The following NINL variants were observed in gnomAD, a reference collection of about 807,000 sequenced individuals.
The protein encoded by NINL is ninein-like protein.
NINL carries 153 observed loss-of-function variants against 160.3 expected under a neutral mutation model. The observed-to-expected ratio is 0.95, with a 90% CI of 0.84 to 1.09. The LOEUF is 1.09. Among genes scored for constraint, NINL ranks in the 50% least tolerant of loss-of-function variants. The pLI is 0.00. For missense variants in NINL, 1,829 were observed against 1,764.0 expected (o/e 1.04, Z -0.66); for synonymous variants, 800 against 734.8 (o/e 1.09, Z -1.43).
intron 1 of NINL, among the ~76,000 whole-genome samples, chr20:25,539,005 G>C (rs1368739475): frequency 5.9e-5 from 9 of 152,172 alleles, no homozygotes; most frequent in Non-Finnish European, 5.9e-5. Context: ...CAAATGACAT[G>C]AGTGCTGCCC....
In NINL at chr20:25,576,402, C is replaced by G. The variant is rs369392945; in HGVS notation, c.-12+9053G>C. 2.0e-5 allele frequency among the ~76,000 whole-genome samples: 3 copies of G among 152,320 alleles called. No individual in the cohort carries two copies. The South Asian group carries it at 6.2e-4, about 32-fold the overall frequency. On this transcript the variant is annotated intron_variant, in intron 1 of 23. Coordinates refer to ENST00000278886, the MANE Select transcript of NINL (RefSeq NM_025176.6). ...TGCAATCGCTTGGTTAGCATGGTGA[C>G]TGCAGCAGGGTAGTCACCTTTATGT...
chr20:25,570,981 C>T (rs1259531133), intron 1 of NINL, among the ~76,000 whole-genome samples: 1 of 150,902 alleles, frequency 6.6e-6, no homozygotes, highest in East Asian at 2.0e-4. Flanking sequence ...GGGCGTGAAC[C>T]ACCGCGCCCA....
chr20:25,476,749 G>T lies in NINL; in HGVS notation c.2542C>A (p.Pro848Thr). The change falls in exon 17 of 24, where the codon CCA (proline) becomes ACA (threonine). Residue 848 changes from proline (P) to threonine (T), a missense_variant. By Grantham distance (38) the Pro-to-Thr change is conservative. Transcript: ENST00000278886. ...CGCTCCCCACAGCCCGGACGCAGTG[G>T]TAGGAGGCCACGTGTGCCCTCCTGG... ...SGQEGTRGLL[P>T]LRPGCGERPL... is the part of the protein sequence containing the mutation. 6.2e-7 allele frequency: 1 copy of T among 1,608,792 alleles called. No individual in the cohort carries two copies.
In NINL at chr20:25,498,222, A is replaced by C; in HGVS notation, c.1157T>G (p.Leu386Arg). ...QAALACYHQELSYQQGQVEQL... is the reference protein window; with the variant it reads ...QAALACYHQERSYQQGQVEQL... ...TGTGGCCTCTTACTGCTGGTAGCTC[A>C]GCTCCTGGTGGTAGCAGGCCAGGGC... The change falls in exon 9 of 24, where the codon CTG becomes CGG. Residue 386 changes from leucine to arginine, a missense_variant. Leu to Arg is a moderately radical substitution (Grantham distance 102, BLOSUM62 -2). Transcript: ENST00000278886. The C allele has an allele frequency of 1.2e-6, 2 of 1,612,748 alleles. No homozygotes were observed. The highest frequency in any genetic ancestry group is 1.3e-5 in the African/African-American group (1 of 75,010).
rs1029339566 is a variant in NINL, at chr20:25,558,992, T to C, written c.-12+26463A>G. On this transcript the variant is annotated intron_variant, in intron 1 of 23. Transcript: ENST00000278886. ...TTGCTTTGCTTCCAAGATCTTATGATATTCTCCAGCGTTTCACATGTTCTG... is the reference window on the plus strand; with the variant it reads ...TTGCTTTGCTTCCAAGATCTTATGACATTCTCCAGCGTTTCACATGTTCTG... Among the ~76,000 whole-genome samples the C allele has an allele frequency of 7.9e-5, 12 of 152,258 alleles. 1 individual carries two copies. Among genetic ancestry groups the C allele is most frequent in the Non-Finnish European group, 1.5e-5 (1 of 68,040 alleles).
At chr20:25,574,761 A>G (rs1326565077) in intron 1 of NINL, among the ~76,000 whole-genome samples, 1 of 152,168 alleles carries the variant, frequency 6.6e-6, no homozygotes, top group Non-Finnish European at 1.5e-5. Flanking sequence ...ATGTAGCTAC[A>G]TGGTATGGGG....
intron 1 of NINL, among the ~76,000 whole-genome samples, chr20:25,561,900 G>A (rs1423762763): frequency 9.9e-5 from 15 of 151,748 alleles, no homozygotes; most frequent in Non-Finnish European, 1.8e-4. Context: ...CGGAAGGGAG[G>A]TGGGGGTCAG....
intron 1 of NINL, among the ~76,000 whole-genome samples, chr20:25,568,269 AAG>A (rs2065016584): frequency 6.6e-6 from 1 of 152,104 alleles, no homozygotes; most frequent in African/African-American, 2.4e-5. Flanking sequence ...TTGGCAATAA[AAG>A]AGAGAATTGT....
intron 7 of NINL, 85 bp from the exon 8 acceptor site, chr20:25,501,095 C>A: frequency 6.7e-7 from 1 of 1,494,144 alleles, no homozygotes; most frequent in Non-Finnish European, 8.9e-7. Context: ...CCCTCCCCAG[C>A]CTGTGCTCAG....
At chr20:25,487,211 T>A (rs963799857) in intron 13 of NINL, among the ~76,000 whole-genome samples, 3 of 152,206 alleles carry the variant, frequency 2.0e-5, no homozygotes, top group Non-Finnish European at 4.4e-5. Context: ...AAATTTTTAT[T>A]AAAATTATTA....
At chr20:25,462,840 A>T in intron 19 of NINL, 1 of 280,928 alleles carries the variant, frequency 3.6e-6, no homozygotes, top group Non-Finnish European at 6.8e-6. Flanking sequence ...TTTGGTCGAG[A>T]CAGGGTCTCT....
chr20:25,473,822 T>G (rs2063168402), intron 17 of NINL, among the ~76,000 whole-genome samples: 1 of 152,018 alleles, frequency 6.6e-6, no homozygotes, highest in African/African-American at 2.4e-5. Context: ...GAGCTGAGGT[T>G]GTACCACTGC....
At chr20:25,562,054 G>GC (rs1366949953) in intron 1 of NINL, among the ~76,000 whole-genome samples, 1 of 122,444 alleles carries the variant, frequency 8.2e-6, no homozygotes, top group Non-Finnish European at 1.7e-5. Context: ...CCGGCCAGCC[G>GC]CCCCGTCCGG....
intron 1 of NINL, among the ~76,000 whole-genome samples, chr20:25,543,613 C>T (rs1482093996): frequency 1.3e-5 from 2 of 152,198 alleles, no homozygotes; most frequent in South Asian, 2.1e-4. Flanking sequence ...ACCTTTTCTG[C>T]GTGGTAGATG....
rs368316515 is a variant in NINL, at chr20:25,496,891, C to T, written c.1170-88G>A. 29 of 1,537,888 alleles carry T rather than the reference C, an allele frequency of 1.9e-5. No homozygotes were observed. In the East Asian group the frequency reaches 3.4e-4, roughly 18 times the overall value. ...GTGGCTCTGGGCCCCATATCTGCATCAATGATAGAAACTAGCACACCAACT... is the reference window on the plus strand; with the variant it reads ...GTGGCTCTGGGCCCCATATCTGCATTAATGATAGAAACTAGCACACCAACT... On this transcript the variant is annotated intron_variant, in intron 9 of 23. Transcript: ENST00000278886.
intron 1 of NINL, among the ~76,000 whole-genome samples, chr20:25,557,479 C>CGAGA (rs2064880114): frequency 6.6e-6 from 1 of 151,040 alleles, no homozygotes; most frequent in African/African-American, 2.4e-5. Flanking sequence ...TTCAGTGAGC[C>CGAGA]GAGATCACAC....
chr20:25,525,401 T>C (rs409873), intron 2 of NINL, among the ~76,000 whole-genome samples: 4,139 of 152,264 alleles, frequency 0.027, 179 homozygotes, highest in African/African-American at 0.09. Flanking sequence ...CTTGTAATCA[T>C]AGCACTTTGG....
intron 22 of NINL, among the ~76,000 whole-genome samples, chr20:25,457,327 A>C (rs1172210194): frequency 1.6e-5 from 2 of 124,348 alleles, no homozygotes; most frequent in Non-Finnish European, 3.7e-5. Flanking sequence ...TGTCTCAAAA[A>C]ACAAAACAAA....
At chr20:25,465,010 C>CAG (rs1420789337) in intron 19 of NINL, among the ~76,000 whole-genome samples, 1 of 152,212 alleles carries the variant, frequency 6.6e-6, no homozygotes, top group African/African-American at 2.4e-5. Context: ...ATTCATCTGG[C>CAG]TTTCACTGCA....
Sources: allele counts gnomAD v4.1 joint callset (sites outside exome capture counted in the v4.1 genomes callset), GRCh38; gene constraint gnomAD v4.1.1; transcripts MANE v1.5; gene names NCBI Gene and HGNC (gene_info 2026-07-23, HGNC 2026-07-21).